The following ANKRD45 variants were observed in gnomAD, a reference collection of about 807,000 sequenced individuals.
ANKRD45 encodes the protein ankyrin repeat domain-containing protein 45.
ANKRD45 carries 21 observed loss-of-function variants against 28.1 expected under a neutral mutation model. That is an observed-to-expected ratio of 0.75 (90% confidence interval 0.53 to 1.08). The LOEUF (loss-of-function observed/expected upper bound fraction) is 1.08, where lower values mean the gene tolerates loss of function less well. Ranked by LOEUF, ANKRD45 falls within the 50% of genes least tolerant of loss-of-function variation. The probability of loss-of-function intolerance (pLI) is 0.00; values close to 1 mark genes in which losing one functional copy is unlikely to be tolerated. For missense variants in ANKRD45, 261 were observed against 308.7 expected (o/e 0.85, Z 1.16); for synonymous variants, 86 against 103.9 (o/e 0.83, Z 1.05).
the ANKRD45 span, among the ~76,000 whole-genome samples, chr1:173,690,172 T>C: frequency 1.3e-5 from 2 of 150,196 alleles, no homozygotes; most frequent in African/African-American, 4.9e-5. Flanking sequence ...CTTTTTTACA[T>C]TGTTCTACCT....
At chr1:173,658,217 AG>A in intron 2 of ANKRD45, 1 of 197,944 alleles carries the variant, frequency 5.1e-6, no homozygotes, top group Non-Finnish European at 1.1e-5. Flanking sequence ...CCAGCTACTC[AG>A]GAAGCTAAGG....
chr1:173,614,954 T>C (rs966976154), intron 5 of ANKRD45, among the ~76,000 whole-genome samples: 1 of 152,000 alleles, frequency 6.6e-6, no homozygotes, highest in Non-Finnish European at 1.5e-5. Context: ...GCAGCTGCAA[T>C]GACAGGTGCA....
chr1:173,685,489 A>T, the ANKRD45 span, among the ~76,000 whole-genome samples: 1 of 152,234 alleles, frequency 6.6e-6, no homozygotes, highest in Non-Finnish European at 1.5e-5. Flanking sequence ...TAAGGGGACA[A>T]TCTGGGCCTC....
intron 5 of ANKRD45, among the ~76,000 whole-genome samples, chr1:173,615,873 G>C (rs1667442918): frequency 6.6e-6 from 1 of 152,122 alleles, no homozygotes; most frequent in Non-Finnish European, 1.5e-5. Flanking sequence ...GGAGGCAGAG[G>C]CAGGCGGATC....
chr1:173,697,809 A>C, the ANKRD45 span, among the ~76,000 whole-genome samples: 3 of 152,222 alleles, frequency 2.0e-5, no homozygotes, highest in African/African-American at 4.8e-5. Context: ...AAATTCACAC[A>C]TAACAATATT....
chr1:173,696,984 A>G, the ANKRD45 span, among the ~76,000 whole-genome samples: 1 of 152,222 alleles, frequency 6.6e-6, no homozygotes, highest in Admixed American at 6.5e-5. Context: ...GACCTGATAG[A>G]GCTGAAAACC....
In ANKRD45 at chr1:173,610,031, T is replaced by G; in HGVS notation, c.*114A>C. On this transcript the variant is annotated 3_prime_UTR_variant, in exon 6 of 6. Transcript: ENST00000333279. ...GTCAAACAAAACAAGGGCGATGTAATGTTGTACTTAAATACTTAAAGAAAC... is the reference window on the plus strand; with the variant it reads ...GTCAAACAAAACAAGGGCGATGTAAGGTTGTACTTAAATACTTAAAGAAAC... 1 of 1,068,490 alleles carries G rather than the reference T, an allele frequency of 9.4e-7. No individual in the cohort carries two copies. The highest frequency in any genetic ancestry group is 1.4e-5 in the South Asian group (1 of 71,380). 66.2% of individuals were successfully genotyped at this position (1,068,490 alleles called of 1,614,324 possible). A position where few individuals can be genotyped will look rare whatever the true frequency, so the allele number is the denominator to read the frequency against.
chr1:173,634,687 T>A lies in ANKRD45; in HGVS notation c.497-7528A>T, dbSNP rs190471738. ...GTTCTCATTTAGTAAAATCTAAAAT[T>A]TTTTAGATTTAGTAAAATGAGAACT... On this transcript the variant is annotated intron_variant, in intron 3 of 5. Transcript: ENST00000333279. 4.2e-3 allele frequency among the ~76,000 whole-genome samples: 634 copies of A among 152,048 alleles called. 5 individuals are homozygous for A. The highest frequency in any genetic ancestry group is 0.015 in the African/African-American group (609 of 41,548).
At chr1:173,675,356 T>A in the ANKRD45 span, 58 of 342,008 alleles carry the variant, frequency 1.7e-4, no homozygotes, top group South Asian at 1.2e-3. Flanking sequence ...CTCATGTCTG[T>A]AATCCCAGCA....
chr1:173,609,660 G>A lies in ANKRD45; in HGVS notation c.*485C>T, dbSNP rs1394537859. The A allele has an allele frequency of 6.5e-6, 1 of 154,248 alleles. No individual in the cohort carries two copies. Among genetic ancestry groups the A allele is most frequent in the Non-Finnish European group, 1.4e-5 (1 of 69,522 alleles). 9.6% of individuals were successfully genotyped at this position (154,248 alleles called of 1,614,324 possible). On this transcript the variant is annotated 3_prime_UTR_variant, in exon 6 of 6. Coordinates refer to ENST00000333279, the MANE Select transcript of ANKRD45 (RefSeq NM_198493.3). The stretch of plus-strand genomic sequence containing the variant: ...CTCAGAGGTATACCCCACCTCACAG[G>A]TGAAATTTAATTTTGGACATAAAAA...
intron 1 of ANKRD45, among the ~76,000 whole-genome samples, chr1:173,664,250 T>A (rs1233961874): frequency 6.6e-6 from 1 of 152,228 alleles, no homozygotes; most frequent in African/African-American, 2.4e-5. Context: ...CCTGGTATAA[T>A]TTTTAATAGC....
intron 5 of ANKRD45, among the ~76,000 whole-genome samples, chr1:173,611,576 TACACACACACACACACACACACAC>T (rs57884253): frequency 1.4e-4 from 19 of 134,006 alleles, no homozygotes; most frequent in South Asian, 2.5e-4. Flanking sequence ...AATACATACA[TACACACACACACACACACACACAC>T]ACACACACAC....
At chr1:173,706,095 G>A in the ANKRD45 span, among the ~76,000 whole-genome samples, 1 of 152,030 alleles carries the variant, frequency 6.6e-6, no homozygotes, top group South Asian at 2.1e-4. Context: ...ACAAGGTCAG[G>A]AGTTCGAGAC....
chr1:173,624,493 A>G (rs201024628), intron 5 of ANKRD45, among the ~76,000 whole-genome samples: 22 of 75,822 alleles, frequency 2.9e-4, no homozygotes, highest in Middle Eastern at 9.4e-3. Context: ...CCTCCGGGGG[A>G]AAAAAAAAAA....
intron 5 of ANKRD45, among the ~76,000 whole-genome samples, chr1:173,611,572 TACATACACACACAC>T (rs1487240018): frequency 9.4e-6 from 1 of 106,312 alleles, no homozygotes; most frequent in Non-Finnish European, 1.8e-5. Context: ...GCCTAATACA[TACATACACACACAC>T]ACACACACAC....
chr1:173,652,481 T>C (rs1669279070), intron 2 of ANKRD45, among the ~76,000 whole-genome samples: 1 of 152,246 alleles, frequency 6.6e-6, no homozygotes, highest in African/African-American at 2.4e-5. Context: ...TTTGATGTGC[T>C]GCTGGATTCT....
At chr1:173,649,457 C>T (rs1373461517) in intron 2 of ANKRD45, among the ~76,000 whole-genome samples, 1 of 152,094 alleles carries the variant, frequency 6.6e-6, no homozygotes, top group African/African-American at 2.4e-5. Flanking sequence ...TGAAGTTAAA[C>T]ATATTTTCAT....
At chr1:173,616,494 T>G (rs1454462846) in intron 5 of ANKRD45, among the ~76,000 whole-genome samples, 1 of 152,178 alleles carries the variant, frequency 6.6e-6, no homozygotes, top group Non-Finnish European at 1.5e-5. Flanking sequence ...AGGGTGATAA[T>G]TACACAACTT....
intron 3 of ANKRD45, chr1:173,635,653 T>C: frequency 6.5e-7 from 1 of 1,535,724 alleles, no homozygotes; most frequent in Non-Finnish European, 8.7e-7. Flanking sequence ...AAGTACATTA[T>C]TGGAAAGTTA....
Sources: gnomAD v4.1 joint callset for allele counts (sites outside exome capture counted in the v4.1 genomes callset) on GRCh38, gnomAD v4.1.1 for gene constraint, MANE v1.5 for transcripts, NCBI Gene and HGNC (gene_info 2026-07-23, HGNC 2026-07-21) for gene names.